Variants in TAOK3 observed in about 807,000 individuals in gnomAD.
The protein encoded by TAOK3 is serine/threonine-protein kinase TAO3.
Under a neutral mutation model 120.4 loss-of-function variants are expected in TAOK3, and 40 were observed. The observed-to-expected ratio is 0.33, with a 90% confidence interval of 0.26 to 0.43. The LOEUF (loss-of-function observed/expected upper bound fraction) is 0.43, where lower values mean the gene tolerates loss of function less well. Among genes scored for constraint, TAOK3 ranks in the 20% least tolerant of loss-of-function variants. The probability of loss-of-function intolerance (pLI) is 1.00; values close to 1 mark genes in which losing one functional copy is unlikely to be tolerated. For synonymous variants in TAOK3, 355 were observed against 387.5 expected, an observed-to-expected ratio of 0.92 and a Z score of 0.99; for missense variants, 821 against 1,112.1, an observed-to-expected ratio of 0.74 and a Z score of 3.72.
intron 1 of TAOK3, among the ~76,000 whole-genome samples, chr12:118,331,658 A>AG (rs1391573798): frequency 7.3e-5 from 11 of 150,800 alleles, no homozygotes; most frequent in African/African-American, 2.7e-4. Flanking sequence ...AAAAAAAAAA[A>AG]AAAAAAAAAA....
chr12:118,155,674 C>CA (rs1296939284), intron 19 of TAOK3, among the ~76,000 whole-genome samples: 1 of 152,106 alleles, frequency 6.6e-6, no homozygotes, highest in Non-Finnish European at 1.5e-5. Context: ...GAAGAAAGGG[C>CA]ATTTCTCTCC....
intron 1 of TAOK3, among the ~76,000 whole-genome samples, chr12:118,303,623 C>T (rs923961712): frequency 2.0e-5 from 3 of 152,068 alleles, no homozygotes; most frequent in Admixed American, 2.0e-4. Flanking sequence ...CTGCATATTA[C>T]TTTTTAATTT....
chr12:118,205,366 C>CAA (rs1207495126), intron 11 of TAOK3, among the ~76,000 whole-genome samples: 3 of 128,040 alleles, frequency 2.3e-5, no homozygotes, highest in East Asian at 2.3e-4. Flanking sequence ...GACTCTGTCT[C>CAA]AAAAAAAAAA....
intron 1 of TAOK3, among the ~76,000 whole-genome samples, chr12:118,318,297 A>G (rs996194484): frequency 4.6e-5 from 7 of 151,940 alleles, no homozygotes; most frequent in Middle Eastern, 3.4e-3. Context: ...AGCTGGGACT[A>G]CAGGAACGCA....
chr12:118,256,032 C>T (rs61945216), intron 2 of TAOK3: 18,396 of 150,982 alleles, frequency 0.12, 1,206 homozygotes, highest in Middle Eastern at 0.15. Context: ...TGCGGTGAGC[C>T]GAGATTGAGC....
chr12:118,249,796 T>G (rs1386075425), intron 3 of TAOK3, among the ~76,000 whole-genome samples: 2 of 152,054 alleles, frequency 1.3e-5, no homozygotes, highest in Non-Finnish European at 2.9e-5. Context: ...CACACCACTG[T>G]ACTCCAGCTT....
chr12:118,280,340 T>C (rs1241444625), intron 1 of TAOK3, among the ~76,000 whole-genome samples: 3 of 152,092 alleles, frequency 2.0e-5, no homozygotes, highest in Admixed American at 6.6e-5. Context: ...GGATTACAGG[T>C]GTGAACCACT....
chr12:118,223,789 G>C (rs1413108245), intron 9 of TAOK3, among the ~76,000 whole-genome samples: 1 of 151,890 alleles, frequency 6.6e-6, no homozygotes, highest in African/African-American at 2.4e-5. Flanking sequence ...GACTACAGGT[G>C]TGTGCCACTA....
intron 16 of TAOK3, among the ~76,000 whole-genome samples, chr12:118,175,739 T>C (rs773060322): frequency 6.6e-6 from 1 of 152,136 alleles, no homozygotes; most frequent in Non-Finnish European, 1.5e-5. Flanking sequence ...AGTCTACAAA[T>C]AAGAAATACT....
chr12:118,357,301 A>G (rs75596967), intron 1 of TAOK3, among the ~76,000 whole-genome samples: 12,089 of 152,290 alleles, frequency 0.079, 1,232 homozygotes, highest in African/African-American at 0.23. Context: ...AATTGTCCAC[A>G]TGTGATGGGA....
intron 1 of TAOK3, among the ~76,000 whole-genome samples, chr12:118,291,648 T>C (rs1275145807): frequency 6.6e-6 from 1 of 152,158 alleles, no homozygotes. Context: ...AATTTCAGAA[T>C]TATCAGCACT....
intron 9 of TAOK3, among the ~76,000 whole-genome samples, chr12:118,219,706 C>G (rs2039126071): frequency 6.6e-6 from 1 of 150,404 alleles, no homozygotes; most frequent in Non-Finnish European, 1.5e-5. Flanking sequence ...GTGATGTTCC[C>G]ATTTCTGTCT....
At chr12:118,317,182 G>A (rs773104762) in intron 1 of TAOK3, among the ~76,000 whole-genome samples, 11 of 139,874 alleles carry the variant, frequency 7.9e-5, no homozygotes, top group Non-Finnish European at 1.1e-4. Context: ...AGAATTGCTC[G>A]AAACTGTGAG....
intron 1 of TAOK3, among the ~76,000 whole-genome samples, chr12:118,327,271 C>T (rs1407755242): frequency 6.6e-6 from 1 of 152,116 alleles, no homozygotes; most frequent in Non-Finnish European, 1.5e-5. Context: ...GTAACTCCCA[C>T]AAGAATCCCA....
At chr12:118,341,131 C>G (rs968247128) in intron 1 of TAOK3, among the ~76,000 whole-genome samples, 1 of 151,894 alleles carries the variant, frequency 6.6e-6, no homozygotes. Context: ...TCCTGAGTAG[C>G]TGGGAGTACA....
chr12:118,166,829 C>CACACACACACACACATACACAATAT (rs2035621126), intron 17 of TAOK3, among the ~76,000 whole-genome samples: 3 of 127,596 alleles, frequency 2.4e-5, no homozygotes, highest in African/African-American at 8.2e-5. Flanking sequence ...TATATATATA[C>CACACACACACACACATACACAATAT]ACACACACAC....
chr12:118,301,199 G>A (rs2042867964), intron 1 of TAOK3, among the ~76,000 whole-genome samples: 1 of 152,120 alleles, frequency 6.6e-6, no homozygotes, highest in Admixed American at 6.6e-5. Context: ...GGTTTCCTTG[G>A]TGCTTAATAA....
chr12:118,260,978 G>A (rs1333077901), intron 2 of TAOK3, among the ~76,000 whole-genome samples: 2 of 152,146 alleles, frequency 1.3e-5, no homozygotes, highest in African/African-American at 4.8e-5. Context: ...ACCACACCTG[G>A]CCCTCAAATC....
In TAOK3 at chr12:118,230,314, A is replaced by T. The variant is rs542934792; in HGVS notation, c.643+3360T>A. 6.6e-5 allele frequency among the ~76,000 whole-genome samples: 10 copies of T among 152,200 alleles called. 1 individual carries two copies. In the East Asian group the frequency reaches 1.5e-3, roughly 24 times the overall value. ...AGTTTCCTAGTCTGTTCTACTGGAT[A>T]CTAGTCTTTCCCTGCAACAATACCA... On this transcript the variant is annotated intron_variant, in intron 9 of 20. Coordinates refer to ENST00000392533, the MANE Select transcript of TAOK3 (RefSeq NM_016281.4).
Sources: gnomAD v4.1 joint callset for allele counts (sites outside exome capture counted in the v4.1 genomes callset) on GRCh38, gnomAD v4.1.1 for gene constraint, MANE v1.5 for transcripts, NCBI Gene and HGNC (gene_info 2026-07-23, HGNC 2026-07-21) for gene names.